The following TNKS2 variants were observed in gnomAD, a reference collection of about 807,000 sequenced individuals.
The protein encoded by TNKS2 is poly [ADP-ribose] polymerase tankyrase-2.
TNKS2 carries 72 observed loss-of-function variants against 137.6 expected under a neutral mutation model. That is an observed-to-expected ratio of 0.52 (90% CI 0.43 to 0.64). The LOEUF (loss-of-function observed/expected upper bound fraction) is 0.64, where lower values mean the gene tolerates loss of function less well. Ranked by LOEUF, TNKS2 falls within the 30% of genes least tolerant of loss-of-function variation. The pLI is 0.00. For synonymous variants in TNKS2, 516 were observed against 512.1 expected (o/e 1.01, Z -0.10); for missense variants, 1,049 against 1,410.2 (o/e 0.74, Z 4.10).
At position 91,863,133 on chromosome 10, in the gene TNKS2, A is replaced by G. The variant is rs1027392729; in HGVS notation, c.*134A>G. The G allele has an allele frequency of 8.5e-6, 5 of 590,496 alleles. No homozygotes were observed. In the African/African-American group the frequency reaches 9.4e-5, roughly 11 times the overall value. 36.6% of individuals were successfully genotyped at this position (590,496 alleles called of 1,614,324 possible). Reference sequence around the variant, plus strand: ...TGGCAAAAGGATAAAAATGTGAACGAAGTTTAACATTCTGACTTGATAAAG... The same window carrying G: ...TGGCAAAAGGATAAAAATGTGAACGGAGTTTAACATTCTGACTTGATAAAG... On this transcript the variant is annotated 3_prime_UTR_variant, in exon 27 of 27. Transcript: ENST00000371627.
intron 22 of TNKS2, 61 bp downstream of exon 22, chr10:91,855,187 CTTG>C (rs888930806): frequency 1.1e-5 from 12 of 1,050,830 alleles, no homozygotes; most frequent in Non-Finnish European, 1.6e-5. Context: ...TTTGTATCCT[CTTG>C]TTTCTTTTTC....
intron 21 of TNKS2, among the ~76,000 whole-genome samples, chr10:91,852,174 G>A (rs1842557944): frequency 6.6e-6 from 1 of 151,818 alleles, no homozygotes; most frequent in Non-Finnish European, 1.5e-5. Context: ...CTTGCAGTGA[G>A]TGGAGATCAC....
chr10:91,837,562 A>G (rs933906353), intron 13 of TNKS2, among the ~76,000 whole-genome samples: 1 of 152,214 alleles, frequency 6.6e-6, no homozygotes, highest in Non-Finnish European at 1.5e-5. Flanking sequence ...TGCTGTAGAA[A>G]TATGTATGTA....
chr10:91,844,822 A>C, intron 16 of TNKS2, 97 bp from the exon 17 acceptor site: 1 of 682,292 alleles, frequency 1.5e-6, no homozygotes, highest in Non-Finnish European at 2.5e-6. Flanking sequence ...ATATGTATAC[A>C]TGTAATGACT....
At chr10:91,812,046 G>A (rs1260698735) in intron 1 of TNKS2, among the ~76,000 whole-genome samples, 2 of 141,254 alleles carry the variant, frequency 1.4e-5, no homozygotes, top group East Asian at 2.1e-4. Flanking sequence ...GCGACAGAGC[G>A]ACACTCCGTC....
chr10:91,851,357 C>A (rs762874261), intron 21 of TNKS2, 21 bp downstream of exon 21: 3 of 1,607,170 alleles, frequency 1.9e-6, no homozygotes, highest in Non-Finnish European at 2.5e-6. Flanking sequence ...TTAATAATTG[C>A]TGTTGTCAGT....
At chr10:91,810,882 ATTCTTTTCTTTT>A (rs1290734178) in intron 1 of TNKS2, among the ~76,000 whole-genome samples, 3 of 59,912 alleles carry the variant, frequency 5.0e-5, no homozygotes, top group Non-Finnish European at 7.0e-5. Flanking sequence ...GCATTTGTTT[ATTCTTTTCTTTT>A]TTCTTTTCTT....
intron 7 of TNKS2, among the ~76,000 whole-genome samples, chr10:91,823,204 A>T (rs1416961428): frequency 6.6e-6 from 1 of 152,218 alleles, no homozygotes; most frequent in East Asian, 1.9e-4. Flanking sequence ...TTGTACTTCG[A>T]GTTGGAGCTG....
At chr10:91,828,138 TA>T in intron 8 of TNKS2, 146 bp from the exon 9 acceptor site, 1 of 888,020 alleles carries the variant, frequency 1.1e-6, no homozygotes, top group Non-Finnish European at 1.6e-6. Flanking sequence ...TTTCAGGGGT[TA>T]AATTTGGAGA....
At chr10:91,805,835 G>A (rs1844308143) in intron 1 of TNKS2, among the ~76,000 whole-genome samples, 1 of 152,098 alleles carries the variant, frequency 6.6e-6, no homozygotes, top group Non-Finnish European at 1.5e-5. Flanking sequence ...TTTTCTAAAA[G>A]CACTTCCTGC....
At chr10:91,843,139 T>C (rs1031466723) in intron 16 of TNKS2, among the ~76,000 whole-genome samples, 1 of 152,168 alleles carries the variant, frequency 6.6e-6, no homozygotes, top group Admixed American at 6.6e-5. Flanking sequence ...CATAAGCCTC[T>C]CACCAAAGTT....
Position 91,842,321 on chromosome 10 carries a change from G to A in TNKS2, c.1989G>A (p.Lys663=), listed in dbSNP as rs1564622988. 1 of 1,614,136 alleles carries A rather than the reference G, an allele frequency of 6.2e-7. No homozygotes were observed. The highest frequency in any genetic ancestry group is 1.7e-5 in the Admixed American group (1 of 60,028). Residue 663 remains lysine (K), a synonymous_variant, in exon 16 of 27, where the codon AAG becomes AAA. Coordinates refer to ENST00000371627, the MANE Select transcript of TNKS2 (RefSeq NM_025235.4). The part of the protein sequence containing the change: ...AKKGCLARVK[K]LSSPDNVNCR... ...AGGGTTGTTTAGCCAGAGTGAAGAA[G>A]TTGTCTTCTCCTGATAATGTAAATT...
rs778655338 is a variant in TNKS2 at position 91,844,962 on chromosome 10, C to T, written c.2103C>T (p.His701=). The change falls in exon 17 of 27, where the codon CAC becomes CAT. Residue 701 remains histidine (H), a synonymous_variant. Transcript: ENST00000371627. ...AAGTTGCAGAGTATTTGTTACAACA[C>T]GGAGCTGATGTGAATGCCCAAGACA... The part of the protein sequence containing the change: ...NLEVAEYLLQ[H]GADVNAQDKG... The T allele has an allele frequency of 4.3e-6, 7 of 1,613,324 alleles. No homozygotes were observed. Among genetic ancestry groups the T allele is most frequent in the East Asian group, 2.2e-5 (1 of 44,828 alleles).
At chr10:91,822,479 A>T in intron 7 of TNKS2, 117 bp downstream of exon 7, 2 of 759,938 alleles carry the variant, frequency 2.6e-6, no homozygotes, top group South Asian at 4.0e-5. Context: ...AAAAAAGTAG[A>T]AGTATTTATA....
intron 21 of TNKS2, among the ~76,000 whole-genome samples, chr10:91,851,650 T>C (rs1842540199): frequency 6.6e-6 from 1 of 152,198 alleles, no homozygotes; most frequent in South Asian, 2.1e-4. Context: ...AATTGTATTA[T>C]TTTAAAGGTC....
At position 91,850,760 on chromosome 10, in the gene TNKS2, C is replaced by T. The variant is rs187014515; in HGVS notation, c.2695-456C>T. Reference sequence around the variant, plus strand: ...GAAATTTGAAGAAGGAAAGGATTACCGTGAGCTAGGCTCATCAGGGAATGC... The same window carrying T: ...GAAATTTGAAGAAGGAAAGGATTACTGTGAGCTAGGCTCATCAGGGAATGC... On this transcript the variant is annotated intron_variant, in intron 20 of 26. Coordinates refer to ENST00000371627, the MANE Select transcript of TNKS2 (RefSeq NM_025235.4). 9.9e-4 allele frequency among the ~76,000 whole-genome samples: 150 copies of T among 152,208 alleles called. 1 individual carries two copies. Among genetic ancestry groups the T allele is most frequent in the African/African-American group, 3.4e-3 (142 of 41,528 alleles).
At chr10:91,841,240 A>G (rs1842202951) in intron 14 of TNKS2, 43 bp from the exon 15 acceptor site, 1 of 1,433,638 alleles carries the variant, frequency 7.0e-7, no homozygotes, top group Non-Finnish European at 9.3e-7. Flanking sequence ...TTAAATTAAA[A>G]CATGTTCTTC....
At chr10:91,827,346 A>G in intron 8 of TNKS2, 143 bp downstream of exon 8, 1 of 667,286 alleles carries the variant, frequency 1.5e-6, no homozygotes, top group Non-Finnish European at 2.2e-6. Context: ...AGCATATTTA[A>G]TAATTTGGAA....
At chr10:91,801,118 G>C (rs1319011205) in intron 1 of TNKS2, among the ~76,000 whole-genome samples, 1 of 152,238 alleles carries the variant, frequency 6.6e-6, no homozygotes, top group African/African-American at 2.4e-5. Flanking sequence ...TTGTCTTTTT[G>C]TTTTGATTCC....
Sources: gnomAD v4.1 joint callset for allele counts (sites outside exome capture counted in the v4.1 genomes callset) on GRCh38, gnomAD v4.1.1 for gene constraint, MANE v1.5 for transcripts, NCBI Gene and HGNC (gene_info 2026-07-23, HGNC 2026-07-21) for gene names.